SOX1: variants seen among roughly 807,000 people sequenced by gnomAD.
SOX1 encodes SRY-box transcription factor 1, also known as transcription factor SOX-1.
In SOX1, 1 loss-of-function variant was observed where a neutral mutation model predicts 0.9. The observed-to-expected ratio is 1.07, with a 90% CI of 0.38 to 5.06. The LOEUF (loss-of-function observed/expected upper bound fraction) is 5.06. Among genes scored for constraint, SOX1 ranks in the 30% most tolerant of loss-of-function variants. The pLI is 0.16. For missense variants in SOX1, 564 were observed against 534.4 expected (o/e 1.06, Z -0.55); for synonymous variants, 397 against 265.5 (o/e 1.50, Z -4.81).
rs993157381 is a variant in SOX1 at position 112,069,301 on chromosome 13, G to C, written c.*467G>C. On this transcript the variant is annotated 3_prime_UTR_variant, in exon 1 of 1. Transcript: ENST00000330949. ...TATAAATGTAGTAAGGCAGGTCCAA[G>C]CACTTACAAGTTTTTTGTAGTTGTT... is the stretch of plus-strand genomic sequence containing the variant. The C allele has an allele frequency of 1.2e-5, 2 of 167,144 alleles. No homozygotes were observed. The highest frequency in any genetic ancestry group is 4.8e-5 in the African/African-American group (2 of 41,472). 10.4% of individuals were successfully genotyped at this position (167,144 alleles called of 1,614,324 possible). A position where few individuals can be genotyped will look rare whatever the true frequency, so the allele number is the denominator to read the frequency against.
At position 112,068,376 on chromosome 13, in the gene SOX1, C is replaced by A; in HGVS notation, c.718C>A (p.Pro240Thr). Residue 240 changes from proline (P) to threonine (T), a missense_variant, in exon 1 of 1, where the codon CCG (proline) becomes ACG (threonine). Transcript: ENST00000330949. The surrounding 1 kb of genome is among the most constrained non-coding windows in gnomAD (Gnocchi z 6.9). ...GCACCCGCACCACCCGCACGCGCAC[C>A]CGCACAACCCGCAGCCCATGCACCG... ...HPHPHHPHAH[P>T]HNPQPMHRYD... The A allele has an allele frequency of 1.6e-6, 2 of 1,280,320 alleles. No individual in the cohort carries two copies. The highest frequency in any genetic ancestry group is 1.5e-5 in the South Asian group (1 of 68,888). The allele number at this position is 1,280,320 out of a possible 1,614,324, so 79.3% of individuals were successfully genotyped here.
At position 112,067,943 on chromosome 13, in the gene SOX1, C is replaced by T. The variant is rs1255427676; in HGVS notation, c.285C>T (p.Ala95=). 1.2e-6 allele frequency: 2 copies of T among 1,607,180 alleles called. No individual in the cohort carries two copies. Among genetic ancestry groups the T allele is most frequent in the Non-Finnish European group, 1.7e-6 (2 of 1,176,526 alleles). The change falls in exon 1 of 1, where the codon GCC becomes GCT. Residue 95 remains alanine (A), a synonymous_variant. Transcript: ENST00000330949. The surrounding 1 kb of genome is among the most constrained non-coding windows in gnomAD (Gnocchi z 5.1). ...CCGAGTGGAAGGTCATGTCCGAGGC[C>T]GAGAAGCGGCCGTTCATCGACGAGG... ...LGAEWKVMSE[A]EKRPFIDEAK...
In SOX1 at chr13:112,068,360, CCACCCG is replaced by C; in HGVS notation, c.706_711del (p.Pro236_His237del). On this transcript the variant is annotated inframe_deletion, in exon 1 of 1. Transcript: ENST00000330949. This position sits in a 1 kb window ranked among gnomAD's most constrained non-coding sequence, Gnocchi z 6.9. ...CGCACCCCGCGCACCCGCACCCGCA[CCACCCG>C]CACGCGCACCCGCACAACCCGCAGC... The C allele has an allele frequency of 6.3e-6, 8 of 1,264,466 alleles. No individual in the cohort carries two copies. The highest frequency in any genetic ancestry group is 6.1e-6 in the Non-Finnish European group (6 of 984,258). The allele number at this position is 1,264,466 out of a possible 1,614,324, so 78.3% of individuals were successfully genotyped here.
Position 112,067,758 on chromosome 13 carries a change from G to A in SOX1, c.100G>A (p.Gly34Arg), listed in dbSNP as rs1447677292. ...GPAGAGGGGG[G>R]GGGGGGGGGA... ...CGCCGGGGCGGGCGGCGGCGGGGGC[G>A]GAGGCGGGGGCGGCGGCGGCGGCGG... The change falls in exon 1 of 1, where the codon GGA becomes AGA. Residue 34 changes from glycine (G) to arginine (R), a missense_variant. Transcript: ENST00000330949. The surrounding 1 kb of genome is among the most constrained non-coding windows in gnomAD (Gnocchi z 5.1). 1.6e-6 allele frequency: 2 copies of A among 1,252,906 alleles called. No individual in the cohort carries two copies. The highest frequency in any genetic ancestry group is 1.6e-5 in the African/African-American group (1 of 63,086). 77.6% of individuals were successfully genotyped at this position (1,252,906 alleles called of 1,614,324 possible).
In SOX1 at chr13:112,067,622, T is replaced by G; in HGVS notation, c.-37T>G. ...CCCCGGCCGTCTATGCTCCAGGCCCTCTCCTCGCGGTGCCGGTGAACCCGC... is the reference window on the plus strand; with the variant it reads ...CCCCGGCCGTCTATGCTCCAGGCCCGCTCCTCGCGGTGCCGGTGAACCCGC... On this transcript the variant is annotated 5_prime_UTR_variant, in exon 1 of 1. Coordinates refer to ENST00000330949, the MANE Select transcript of SOX1 (RefSeq NM_005986.3). This position sits in a 1 kb window ranked among gnomAD's most constrained non-coding sequence, Gnocchi z 5.1. The G allele has an allele frequency of 8.4e-7, 1 of 1,196,206 alleles. No individual in the cohort carries two copies. Among genetic ancestry groups the G allele is most frequent in the Non-Finnish European group, 1.1e-6 (1 of 947,882 alleles). 74.1% of individuals were successfully genotyped at this position (1,196,206 alleles called of 1,614,324 possible).
chr13:112,068,332 ACGCGCACCC>A lies in SOX1; in HGVS notation c.684_692del (p.Ala229_Pro231del), dbSNP rs761483695. ...CCGGGCGCGGGCGGCGCGCACCCGC[ACGCGCACCC>A]CGCGCACCCGCACCCGCACCACCCG... is the stretch of plus-strand genomic sequence containing the variant. On this transcript the variant is annotated inframe_deletion, in exon 1 of 1. Coordinates refer to ENST00000330949, the MANE Select transcript of SOX1 (RefSeq NM_005986.3). This position sits in a 1 kb window ranked among gnomAD's most constrained non-coding sequence, Gnocchi z 6.9. 265 of 1,155,776 alleles carry A rather than the reference ACGCGCACCC, an allele frequency of 2.3e-4. No individual in the cohort carries two copies. Among genetic ancestry groups the A allele is most frequent in the South Asian group, 5.4e-4 (26 of 48,344 alleles). 71.6% of individuals were successfully genotyped at this position (1,155,776 alleles called of 1,614,324 possible). A position where few individuals can be genotyped will look rare whatever the true frequency, so the allele number is the denominator to read the frequency against.
rs755129510 is a variant in SOX1, at chr13:112,068,501, G to GGCCGCCGCCGCC, written c.849_860dup (p.Ala285_Ala288dup). Reference sequence around the variant, plus strand: ...ACGGCGGCCTCCCCTACGGCGCCGCGGCCGCCGCCGCCGCCGCTGCGGGCG... The same window carrying GGCCGCCGCCGCC: ...ACGGCGGCCTCCCCTACGGCGCCGCGGCCGCCGCCGCCGCCGCCGCCGCCGCCGCTGCGGGCG... On this transcript the variant is annotated inframe_insertion, in exon 1 of 1. Transcript: ENST00000330949. This position sits in a 1 kb window ranked among gnomAD's most constrained non-coding sequence, Gnocchi z 6.9. 9.9e-7 allele frequency: 1 copy of GGCCGCCGCCGCC among 1,006,392 alleles called. No individual in the cohort carries two copies. Among genetic ancestry groups the GGCCGCCGCCGCC allele is most frequent in the African/African-American group, 1.8e-5 (1 of 54,184 alleles). 62.3% of individuals were successfully genotyped at this position (1,006,392 alleles called of 1,614,324 possible).
Position 112,068,180 on chromosome 13 carries a change from C to A in SOX1, c.522C>A (p.Gly174=). ...TGGGCCAGCGCCTGGAGAGCCCAGG[C>A]GGCGCGGCGGGCGGCGGCTACGCGC... ...AAVGQRLESP[G]GAAGGGYAHV... is the part of the protein sequence containing the mutation. Residue 174 remains glycine, a synonymous_variant, in exon 1 of 1, where the codon GGC becomes GGA. Coordinates refer to ENST00000330949, the MANE Select transcript of SOX1 (RefSeq NM_005986.3). This position sits in a 1 kb window ranked among gnomAD's most constrained non-coding sequence, Gnocchi z 6.9. 3.6e-6 allele frequency: 3 copies of A among 841,306 alleles called. No homozygotes were observed. Among genetic ancestry groups the A allele is most frequent in the South Asian group, 5.2e-5 (1 of 19,162 alleles). The allele number at this position is 841,306 out of a possible 1,614,324, so 52.1% of individuals were successfully genotyped here.
rs2138617044 is a variant in SOX1 at position 112,068,477 on chromosome 13, C to T, written c.819C>T (p.Tyr273=). 8.8e-7 allele frequency: 1 copy of T among 1,131,904 alleles called. No homozygotes were observed. The highest frequency in any genetic ancestry group is 7.8e-5 in the East Asian group (1 of 12,900). 70.1% of individuals were successfully genotyped at this position (1,131,904 alleles called of 1,614,324 possible). A position where few individuals can be genotyped will look rare whatever the true frequency, so the allele number is the denominator to read the frequency against. ...QGYMSASPSG[Y]GGLPYGAAAA... ...ACATGAGCGCGTCGCCCTCGGGCTACGGCGGCCTCCCCTACGGCGCCGCGG... is the reference window on the plus strand; with the variant it reads ...ACATGAGCGCGTCGCCCTCGGGCTATGGCGGCCTCCCCTACGGCGCCGCGG... The change falls in exon 1 of 1, where the codon TAC becomes TAT. Residue 273 remains tyrosine (Y), a synonymous_variant. Transcript: ENST00000330949. This position sits in a 1 kb window ranked among gnomAD's most constrained non-coding sequence, Gnocchi z 6.9.
chr13:112,067,911 C>T lies in SOX1; in HGVS notation c.253C>T (p.Leu85=). Residue 85 remains leucine (L), a synonymous_variant, in exon 1 of 1, where the codon CTG becomes TTG. Transcript: ENST00000330949. The surrounding 1 kb of genome is among the most constrained non-coding windows in gnomAD (Gnocchi z 5.1). ...KMHNSEISKR[L]GAEWKVMSEA... The stretch of plus-strand genomic sequence containing the variant: ...GCACAACTCGGAGATCAGCAAGCGC[C>T]TGGGGGCCGAGTGGAAGGTCATGTC... 5.0e-6 allele frequency: 8 copies of T among 1,608,018 alleles called. No individual in the cohort carries two copies. Among genetic ancestry groups the T allele is most frequent in the Non-Finnish European group, 6.8e-6 (8 of 1,176,912 alleles).
rs556184973 is a variant in SOX1, at chr13:112,071,486, C to T, written c.*2652C>T. ...CACAGGGTGGGGGCAAGGAAATTAG[C>T]TGAGATTCATCTCAGGATTGAGATT... On this transcript the variant is annotated 3_prime_UTR_variant, in exon 1 of 1. Coordinates refer to ENST00000330949, the MANE Select transcript of SOX1 (RefSeq NM_005986.3). 6.6e-6 allele frequency among the ~76,000 whole-genome samples: 1 copy of T among 152,280 alleles called. No individual in the cohort carries two copies. The highest frequency in any genetic ancestry group is 2.4e-5 in the African/African-American group (1 of 41,562).
rs763875400 is a variant in SOX1, at chr13:112,067,760, A to AGGCGGG, written c.108_113dup (p.Gly42_Gly43dup). The stretch of plus-strand genomic sequence containing the variant: ...CCGGGGCGGGCGGCGGCGGGGGCGG[A>AGGCGGG]GGCGGGGGCGGCGGCGGCGGCGGGG... On this transcript the variant is annotated inframe_insertion, in exon 1 of 1. Transcript: ENST00000330949. This position sits in a 1 kb window ranked among gnomAD's most constrained non-coding sequence, Gnocchi z 5.1. 17 of 1,256,080 alleles carry AGGCGGG rather than the reference A, an allele frequency of 1.4e-5. No homozygotes were observed. The South Asian group carries it at 3.5e-4, about 26-fold the overall frequency. The allele number at this position is 1,256,080 out of a possible 1,614,324, so 77.8% of individuals were successfully genotyped here.
chr13:112,068,516 C>G lies in SOX1; in HGVS notation c.858C>G (p.Ala286=), dbSNP rs1277387666. Residue 286 remains alanine, a synonymous_variant, in exon 1 of 1, where the codon GCC becomes GCG. Transcript: ENST00000330949. This position sits in a 1 kb window ranked among gnomAD's most constrained non-coding sequence, Gnocchi z 6.9. ...ACGGCGCCGCGGCCGCCGCCGCCGC[C>G]GCTGCGGGCGGCGCGCACCAGAACT... ...LPYGAAAAAA[A]AAGGAHQNSA... 8.1e-6 allele frequency: 8 copies of G among 991,618 alleles called. No individual in the cohort carries two copies. The African/African-American group carries it at 1.1e-4, about 14-fold the overall frequency. 61.4% of individuals were successfully genotyped at this position (991,618 alleles called of 1,614,324 possible). A position where few individuals can be genotyped will look rare whatever the true frequency, so the allele number is the denominator to read the frequency against.
Position 112,070,852 on chromosome 13 carries a change from A to G in SOX1, c.*2018A>G, listed in dbSNP as rs530135471. ...GATGTCCACTGCTTTCTAACAAGAT[A>G]ATAAACCCCCCCCCTCTTTTCTTTT... is the stretch of plus-strand genomic sequence containing the variant. On this transcript the variant is annotated 3_prime_UTR_variant, in exon 1 of 1. Coordinates refer to ENST00000330949, the MANE Select transcript of SOX1 (RefSeq NM_005986.3). Among the ~76,000 whole-genome samples, 16 of 146,120 alleles carry G rather than the reference A, an allele frequency of 1.1e-4. No homozygotes were observed. The highest frequency in any genetic ancestry group is 4.0e-4 in the Admixed American group (6 of 14,944).
Position 112,069,426 on chromosome 13 carries a change from T to C in SOX1, c.*592T>C, listed in dbSNP as rs552997872. 1 of 166,856 alleles carries C rather than the reference T, an allele frequency of 6.0e-6. No homozygotes were observed. Among genetic ancestry groups the C allele is most frequent in the African/African-American group, 2.4e-5 (1 of 41,324 alleles). The allele number at this position is 166,856 out of a possible 1,614,324, so 10.3% of individuals were successfully genotyped here. A position where few individuals can be genotyped will look rare whatever the true frequency, so the allele number is the denominator to read the frequency against. Reference sequence around the variant, plus strand: ...TTATATTCTGGGTTTTGTAAAACTTTATGTATCTGAGCATTTCCATTTTTT... The same window carrying C: ...TTATATTCTGGGTTTTGTAAAACTTCATGTATCTGAGCATTTCCATTTTTT... On this transcript the variant is annotated 3_prime_UTR_variant, in exon 1 of 1. Transcript: ENST00000330949.
rs1237552294 is a variant in SOX1 at position 112,068,522 on chromosome 13, G to C, written c.864G>C (p.Ala288=). The C allele has an allele frequency of 2.0e-6, 2 of 989,948 alleles. No homozygotes were observed. Among genetic ancestry groups the C allele is most frequent in the Non-Finnish European group, 2.4e-6 (2 of 833,708 alleles). The allele number at this position is 989,948 out of a possible 1,614,324, so 61.3% of individuals were successfully genotyped here. A position where few individuals can be genotyped will look rare whatever the true frequency, so the allele number is the denominator to read the frequency against. ...CCGCGGCCGCCGCCGCCGCCGCTGC[G>C]GGCGGCGCGCACCAGAACTCGGCCG... ...YGAAAAAAAA[A]GGAHQNSAVA... is the part of the protein sequence containing the mutation. Residue 288 remains alanine (A), a synonymous_variant, in exon 1 of 1, where the codon GCG becomes GCC. Coordinates refer to ENST00000330949, the MANE Select transcript of SOX1 (RefSeq NM_005986.3). The surrounding 1 kb of genome is among the most constrained non-coding windows in gnomAD (Gnocchi z 6.9).
chr13:112,068,765 C>A lies in SOX1; in HGVS notation c.1107C>A (p.His369Gln). 1 of 1,210,238 alleles carries A rather than the reference C, an allele frequency of 8.3e-7. No individual in the cohort carries two copies. Among genetic ancestry groups the A allele is most frequent in the Non-Finnish European group, 1.0e-6 (1 of 974,870 alleles). The allele number at this position is 1,210,238 out of a possible 1,614,324, so 75.0% of individuals were successfully genotyped here. A position where few individuals can be genotyped will look rare whatever the true frequency, so the allele number is the denominator to read the frequency against. The change falls in exon 1 of 1, where the codon CAC (histidine) becomes CAA (glutamine). Residue 369 changes from histidine (H) to glutamine (Q), a missense_variant. Coordinates refer to ENST00000330949, the MANE Select transcript of SOX1 (RefSeq NM_005986.3). The surrounding 1 kb of genome is among the most constrained non-coding windows in gnomAD (Gnocchi z 6.9). ...CGGCCGCGGCGCAGAGCCGGCTGCA[C>A]TCGCTGCCGCAGCACTACCAGGGCG... Reference protein sequence around the residue: ...AAAAAAQSRLHSLPQHYQGAG... With the variant: ...AAAAAAQSRLQSLPQHYQGAG...
chr13:112,070,063 C>A lies in SOX1; in HGVS notation c.*1229C>A. ...AAGACCAGGGCAGGTCACGGGTTTC[C>A]CAATTCCCCAGCAATTAAGATTTCG... On this transcript the variant is annotated 3_prime_UTR_variant, in exon 1 of 1. Transcript: ENST00000330949. 1 of 167,118 alleles carries A rather than the reference C, an allele frequency of 6.0e-6. No individual in the cohort carries two copies. 10.4% of individuals were successfully genotyped at this position (167,118 alleles called of 1,614,324 possible).
At position 112,068,744 on chromosome 13, in the gene SOX1, C is replaced by G. The variant is rs1256191561; in HGVS notation, c.1086C>G (p.Ala362=). The change falls in exon 1 of 1, where the codon GCC becomes GCG. Residue 362 remains alanine, a synonymous_variant. Transcript: ENST00000330949. This position sits in a 1 kb window ranked among gnomAD's most constrained non-coding sequence, Gnocchi z 6.9. Reference sequence around the variant, plus strand: ...GCGACCCGGCGGCGGCAGCAGCGGCCGCGGCGCAGAGCCGGCTGCACTCGC... The same window carrying G: ...GCGACCCGGCGGCGGCAGCAGCGGCGGCGGCGCAGAGCCGGCTGCACTCGC... The part of the protein sequence containing the change: ...EGGDPAAAAA[A]AAQSRLHSLP... The G allele has an allele frequency of 3.4e-6, 4 of 1,193,996 alleles. No homozygotes were observed. Among genetic ancestry groups the G allele is most frequent in the Non-Finnish European group, 1.0e-6 (1 of 964,274 alleles). 74.0% of individuals were successfully genotyped at this position (1,193,996 alleles called of 1,614,324 possible).
Sources: allele counts gnomAD v4.1 joint callset (sites outside exome capture counted in the v4.1 genomes callset), GRCh38; gene constraint gnomAD v4.1.1; non-coding constraint Gnocchi (gnomAD v3.1); transcripts MANE v1.5; gene names NCBI Gene and HGNC (gene_info 2026-07-23, HGNC 2026-07-21).